The following WASHC2A variants were observed in gnomAD, a reference collection of about 807,000 sequenced individuals.
WASHC2A encodes the protein WASH complex subunit FAM21A.
Under a neutral mutation model 140.3 loss-of-function variants are expected in WASHC2A, and 82 were observed. That is an observed-to-expected ratio of 0.58 (90% confidence interval 0.49 to 0.70). The LOEUF (loss-of-function observed/expected upper bound fraction) is 0.70, where lower values mean the gene tolerates loss of function less well. Ranked by LOEUF, WASHC2A falls within the 30% of genes least tolerant of loss-of-function variation. The pLI is 0.00. For missense variants in WASHC2A, 985 were observed against 1,521.8 expected (o/e 0.65, Z 5.87); for synonymous variants, 340 against 560.8 (o/e 0.61, Z 5.56).
At chr10:50,125,594 G>T in intron 25 of WASHC2A, 145 bp downstream of exon 25, 1 of 1,568,940 alleles carries the variant, frequency 6.4e-7, no homozygotes, top group Non-Finnish European at 8.7e-7. Flanking sequence ...GCTGAGGGGA[G>T]CGTGTGTGGA....
intron 3 of WASHC2A, among the ~76,000 whole-genome samples, chr10:50,077,293 CTAAA>C (rs1191003485): frequency 1.3e-5 from 2 of 151,436 alleles, no homozygotes; most frequent in Admixed American, 6.6e-5. Flanking sequence ...GACTCTGTCT[CTAAA>C]TAAATAAATA....
Position 50,093,293 on chromosome 10 carries a change from C to T in WASHC2A, c.1029C>T (p.Pro343=). 1.5e-6 allele frequency: 2 copies of T among 1,348,940 alleles called. No homozygotes were observed. The highest frequency in any genetic ancestry group is 2.3e-5 in the East Asian group (1 of 44,286). 83.6% of individuals were successfully genotyped at this position (1,348,940 alleles called of 1,614,324 possible). Residue 343 remains proline, a synonymous_variant, in exon 12 of 31, where the codon CCC becomes CCT. Coordinates refer to ENST00000282633, the MANE Select transcript of WASHC2A (RefSeq NM_001005751.3). Reference sequence around the variant, plus strand: ...ATGAAGAGGATAACTTATTCGCACCCCCCAAGCTGACCGACGAGGACTTCT... The same window carrying T: ...ATGAAGAGGATAACTTATTCGCACCTCCCAAGCTGACCGACGAGGACTTCT... ...SDDEEDNLFA[P]PKLTDEDFSP...
chr10:50,112,840 A>G (rs113240129), intron 20 of WASHC2A, among the ~76,000 whole-genome samples: 1 of 150,296 alleles, frequency 6.7e-6, no homozygotes, highest in Non-Finnish European at 1.5e-5. Context: ...TATGAAATGT[A>G]TAGATAAACC....
chr10:50,128,628 C>A (rs2669768), intron 28 of WASHC2A, among the ~76,000 whole-genome samples: 44,391 of 151,836 alleles, frequency 0.29, 7,264 homozygotes, highest in Middle Eastern at 0.41. Flanking sequence ...AAAACAAAAC[C>A]GCCTTCCTTT....
At chr10:50,124,682 G>C (rs539831736) in intron 23 of WASHC2A, among the ~76,000 whole-genome samples, 2 of 151,952 alleles carry the variant, frequency 1.3e-5, no homozygotes, top group African/African-American at 4.8e-5. Context: ...GTTTGTGCTT[G>C]ATTCAGCTGC....
At chr10:50,105,110 C>G (rs1433555801) in intron 18 of WASHC2A, among the ~76,000 whole-genome samples, 2 of 152,010 alleles carry the variant, frequency 1.3e-5, no homozygotes, top group East Asian at 3.9e-4. Context: ...GAGGATGGAT[C>G]AACATATACC....
At chr10:50,105,994 A>G (rs1589239116) in intron 18 of WASHC2A, among the ~76,000 whole-genome samples, 1 of 152,244 alleles carries the variant, frequency 6.6e-6, no homozygotes, top group Non-Finnish European at 1.5e-5. Context: ...TGCCCATTGC[A>G]GGCTGTAACC....
intron 11 of WASHC2A, among the ~76,000 whole-genome samples, 195 bp downstream of exon 11, chr10:50,092,428 C>T (rs572745813): frequency 6.0e-4 from 92 of 152,230 alleles, no homozygotes; most frequent in African/African-American, 1.8e-3. Flanking sequence ...GAGGCCGAGG[C>T]GGGCGGATCA....
chr10:50,128,652 C>T lies in WASHC2A; in HGVS notation c.3088-767C>T, dbSNP rs186788091. The stretch of plus-strand genomic sequence containing the variant: ...CCGCCTTCCTTTTAAAGAGAATTTT[C>T]ATTGGCTTTTTTTTAGTTAAGTTTA... On this transcript the variant is annotated intron_variant, in intron 28 of 30. Transcript: ENST00000282633. 3.8e-3 allele frequency among the ~76,000 whole-genome samples: 579 copies of T among 152,214 alleles called. 6 individuals are homozygous for T. The highest frequency in any genetic ancestry group is 0.013 in the African/African-American group (540 of 41,538).
intron 10 of WASHC2A, 81 bp downstream of exon 10, chr10:50,091,599 C>G (rs1839934105): frequency 1.4e-6 from 2 of 1,389,280 alleles, no homozygotes; most frequent in Admixed American, 4.4e-5. Context: ...GCGGATTTCT[C>G]TTTTTATTAG....
At chr10:50,111,351 A>G (rs1398694812) in intron 20 of WASHC2A, among the ~76,000 whole-genome samples, 1 of 150,420 alleles carries the variant, frequency 6.6e-6, no homozygotes, top group African/African-American at 2.4e-5. Context: ...AGGCCTCTGT[A>G]ACTTGACACT....
At position 50,126,112 on chromosome 10, in the gene WASHC2A, A is replaced by C; in HGVS notation, c.2744A>C (p.Asn915Thr). 6.2e-7 allele frequency: 1 copy of C among 1,613,902 alleles called. No individual in the cohort carries two copies. Among genetic ancestry groups the C allele is most frequent in the Non-Finnish European group, 8.5e-7 (1 of 1,179,856 alleles). ...GACCACTCTGTTGACTCTTTCAAAA[A>C]CCAGAAACATCCTGAATCCATTCAA... ...KKDHSVDSFK[N>T]QKHPESIQGS... Residue 915 changes from asparagine to threonine, a missense_variant, in exon 26 of 31, where the codon AAC becomes ACC. Transcript: ENST00000282633.
Position 50,089,857 on chromosome 10 carries a change from C to T in WASHC2A, c.733-919C>T, listed in dbSNP as rs1265700926. 5.6e-3 allele frequency among the ~76,000 whole-genome samples: 854 copies of T among 151,872 alleles called. 9 individuals carry two copies. Among genetic ancestry groups the T allele is most frequent in the African/African-American group, 0.02 (824 of 41,392 alleles). ...AATCCCAGTGCTTTGAGAATGTAAT[C>T]CCAGCGCTTTGGGAAGCTGAGGTGG... On this transcript the variant is annotated intron_variant, in intron 8 of 30. Transcript: ENST00000282633.
intron 30 of WASHC2A, among the ~76,000 whole-genome samples, chr10:50,131,644 C>G (rs1378062688): frequency 6.6e-6 from 1 of 152,186 alleles, no homozygotes; most frequent in African/African-American, 2.4e-5. Flanking sequence ...CCCGAGAACC[C>G]TAAATATTGG....
At chr10:50,124,951 G>A (rs1263486593) in intron 23 of WASHC2A, among the ~76,000 whole-genome samples, 162 bp from the exon 24 acceptor site, 1 of 148,468 alleles carries the variant, frequency 6.7e-6, no homozygotes, top group East Asian at 2.0e-4. Context: ...TTTTGTCAAT[G>A]TTTCATTCCC....
chr10:50,081,024 C>CG lies in WASHC2A; in HGVS notation c.528+93_528+94insG, dbSNP rs1838832913. ...GATTAGTAAGTCATGGACTTAACCT[C>CG]TGGGAAGTGAGTATGTCACTTAGTA... On this transcript the variant is annotated intron_variant, in intron 5 of 30. Coordinates refer to ENST00000282633, the MANE Select transcript of WASHC2A (RefSeq NM_001005751.3). 3 of 541,632 alleles carry CG rather than the reference C, an allele frequency of 5.5e-6. No homozygotes were observed. The Admixed American group carries it at 9.7e-5, about 18-fold the overall frequency. 33.6% of individuals were successfully genotyped at this position (541,632 alleles called of 1,614,324 possible).
chr10:50,113,612 G>A, intron 20 of WASHC2A, among the ~76,000 whole-genome samples: 1 of 149,444 alleles, frequency 6.7e-6, no homozygotes, highest in African/African-American at 2.5e-5. Context: ...CAGGCATCGT[G>A]TGCCTTGCAG....
intron 3 of WASHC2A, among the ~76,000 whole-genome samples, chr10:50,071,518 G>A (rs1299235678): frequency 6.6e-6 from 1 of 151,964 alleles, no homozygotes; most frequent in Non-Finnish European, 1.5e-5. Flanking sequence ...AGTTAGCCAG[G>A]ATGATCTCGA....
intron 11 of WASHC2A, among the ~76,000 whole-genome samples, chr10:50,092,876 A>T (rs1456338195): frequency 5.3e-5 from 8 of 152,114 alleles, no homozygotes; most frequent in Admixed American, 5.2e-4. Flanking sequence ...TGTCCATTAC[A>T]TTAGACTTGT....
Sources: gnomAD v4.1 joint callset for allele counts (sites outside exome capture counted in the v4.1 genomes callset) on GRCh38, gnomAD v4.1.1 for gene constraint, MANE v1.5 for transcripts, NCBI Gene and HGNC (gene_info 2026-07-23, HGNC 2026-07-21) for gene names.